ZNF324B: variants seen among roughly 807,000 people sequenced by gnomAD.
The protein encoded by ZNF324B is zinc finger protein 324B.
ZNF324B carries 7 observed loss-of-function variants against 10.6 expected under a neutral mutation model. The ratio of observed to expected loss-of-function variants is 0.66; its 90% CI spans 0.38 to 1.24. The LOEUF (loss-of-function observed/expected upper bound fraction) is 1.24. ZNF324B is among the 50% of genes most tolerant of loss of function. ZNF324B has a pLI of 0.02. For synonymous variants in ZNF324B, 316 were observed against 321.0 expected (o/e 0.98, Z 0.17); for missense variants, 640 against 764.7 (o/e 0.84, Z 1.92).
At chr19:58,436,874 C>T in the ZNF324B span, 2 of 904,742 alleles carry the variant, frequency 2.2e-6, no homozygotes, top group Non-Finnish European at 3.6e-6. Context: ...TGAGGCTGCT[C>T]AGAGAGAGAC....
At position 58,455,135 on chromosome 19, in the gene ZNF324B, C is replaced by T. The variant is rs2052901705; in HGVS notation, c.239-48C>T. ...CCTGTCCACTCAGCCTGCCCTGGTC[C>T]TCTCCTAACCAGGATGCCCCAGGCA... On this transcript the variant is annotated intron_variant, in intron 3 of 3. Coordinates refer to ENST00000336614, the MANE Select transcript of ZNF324B (RefSeq NM_207395.3). The surrounding 1 kb of genome is among the most constrained non-coding windows in gnomAD (Gnocchi z 7.0). 2 of 1,612,810 alleles carry T rather than the reference C, an allele frequency of 1.2e-6. No individual in the cohort carries two copies. The highest frequency in any genetic ancestry group is 2.2e-5 in the East Asian group (1 of 44,890).
At chr19:58,423,589 C>T in the ZNF324B span, among the ~76,000 whole-genome samples, 1 of 152,120 alleles carries the variant, frequency 6.6e-6, no homozygotes, top group Non-Finnish European at 1.5e-5. Context: ...TTTGTAGAAT[C>T]AAAAAAGAGC....
the ZNF324B span, chr19:58,419,042 G>C: frequency 6.6e-6 from 1 of 152,172 alleles, no homozygotes; most frequent in Non-Finnish European, 1.5e-5. Flanking sequence ...CCTCAGTGGG[G>C]ATGGCAGGAT....
chr19:58,429,402 G>A, the ZNF324B span: 8 of 152,296 alleles, frequency 5.3e-5, no homozygotes, highest in African/African-American at 1.9e-4. Context: ...GTCTCACACT[G>A]TCGCCCAGGC....
At chr19:58,433,475 A>C in the ZNF324B span, 2 of 1,614,084 alleles carry the variant, frequency 1.2e-6, no homozygotes, top group South Asian at 2.2e-5. Context: ...CACTGGATGC[A>C]CTCATAGGGC....
chr19:58,453,983 G>A (rs1024822693), intron 2 of ZNF324B, among the ~76,000 whole-genome samples, 161 bp downstream of exon 2: 7 of 152,196 alleles, frequency 4.6e-5, no homozygotes, highest in African/African-American at 1.7e-4. Context: ...GCCACTCCTT[G>A]CCGCCCTGTC....
chr19:58,434,698 G>A, the ZNF324B span: 2 of 1,614,172 alleles, frequency 1.2e-6, no homozygotes, highest in South Asian at 1.1e-5. Flanking sequence ...GGGGAGAGTG[G>A]AGCTCTTCAG....
the ZNF324B span, chr19:58,435,300 C>G: frequency 6.9e-7 from 1 of 1,440,558 alleles, no homozygotes; most frequent in Non-Finnish European, 9.4e-7. Context: ...AATTCACACC[C>G]AAGAAGAGGT....
Position 58,455,122 on chromosome 19 carries a change from G to T in ZNF324B, c.239-61G>T. On this transcript the variant is annotated intron_variant, in intron 3 of 3. Coordinates refer to ENST00000336614, the MANE Select transcript of ZNF324B (RefSeq NM_207395.3). The surrounding 1 kb of genome is among the most constrained non-coding windows in gnomAD (Gnocchi z 7.0). The stretch of plus-strand genomic sequence containing the variant: ...GGGCTCCCCCTTGCCTGTCCACTCA[G>T]CCTGCCCTGGTCCTCTCCTAACCAG... 6.2e-7 allele frequency: 1 copy of T among 1,611,218 alleles called. No individual in the cohort carries two copies. Among genetic ancestry groups the T allele is most frequent in the South Asian group, 1.1e-5 (1 of 90,960 alleles).
chr19:58,427,440 TTCC>T, the ZNF324B span, among the ~76,000 whole-genome samples: 109 of 13,768 alleles, frequency 7.9e-3, 5 homozygotes, highest in African/African-American at 0.022. Context: ...CCTTCCTTCC[TTCC>T]TTTCCTTTCC....
At chr19:58,453,363 A>G (rs1300579707) in intron 1 of ZNF324B, 3 of 395,964 alleles carry the variant, frequency 7.6e-6, no homozygotes, top group Non-Finnish European at 1.4e-5. Flanking sequence ...AGAAGGGCAC[A>G]TCTGGGGAGG....
chr19:58,429,671 C>A, the ZNF324B span: 6 of 152,324 alleles, frequency 3.9e-5, no homozygotes, highest in South Asian at 2.1e-4. Context: ...GGCCAAGAAA[C>A]CTTTTCTGGA....
intron 3 of ZNF324B, 107 bp downstream of exon 3, chr19:58,454,451 G>T: frequency 2.7e-6 from 2 of 741,336 alleles, no homozygotes; most frequent in South Asian, 1.6e-5. Context: ...CCTCCTACCT[G>T]ACTCCCTTCT....
At chr19:58,427,372 T>TTTC in the ZNF324B span, among the ~76,000 whole-genome samples, 1 of 44,386 alleles carries the variant, frequency 2.3e-5, no homozygotes, top group African/African-American at 9.1e-5. Context: ...CTTTCTTTCT[T>TTTC]TCTTTCTTTC....
chr19:58,427,682 G>T, the ZNF324B span, among the ~76,000 whole-genome samples: 32 of 148,018 alleles, frequency 2.2e-4, no homozygotes, highest in Non-Finnish European at 3.0e-4. Context: ...TAGAGACAAG[G>T]TCTCATTATG....
the ZNF324B span, chr19:58,437,887 C>T: frequency 1.4e-5 from 10 of 710,884 alleles, no homozygotes; most frequent in Non-Finnish European, 1.7e-5. Context: ...TCTCAAATAT[C>T]TCTTCCCTCT....
At position 58,453,698 on chromosome 19, in the gene ZNF324B, C is replaced by T. The variant is rs753472291; in HGVS notation, c.-4C>T. Reference sequence around the variant, plus strand: ...CCTCCACCTCCCTGCTGTTTTAGGACCTGATGACCTTCGAGGATGTGGCCG... The same window carrying T: ...CCTCCACCTCCCTGCTGTTTTAGGATCTGATGACCTTCGAGGATGTGGCCG... On this transcript the variant is annotated splice_region_variant and 5_prime_UTR_variant, in exon 2 of 4. Transcript: ENST00000336614. 6.2e-7 allele frequency: 1 copy of T among 1,614,176 alleles called. No individual in the cohort carries two copies. The highest frequency in any genetic ancestry group is 8.5e-7 in the Non-Finnish European group (1 of 1,180,010).
the ZNF324B span, among the ~76,000 whole-genome samples, chr19:58,438,431 ACTC>A: frequency 1.4e-5 from 2 of 146,338 alleles, no homozygotes; most frequent in East Asian, 2.0e-4. Context: ...CCTGAAATCT[ACTC>A]CTCACACCAA....
chr19:58,434,154 CGGTCTTTCTCCA>C, the ZNF324B span: 2 of 1,611,908 alleles, frequency 1.2e-6, no homozygotes, highest in Non-Finnish European at 1.7e-6. Context: ...TGCATTCATA[CGGTCTTTCTCCA>C]GTGTGAACTC....
Sources: allele counts gnomAD v4.1 joint callset (sites outside exome capture counted in the v4.1 genomes callset), GRCh38; gene constraint gnomAD v4.1.1; non-coding constraint Gnocchi (gnomAD v3.1); transcripts MANE v1.5; gene names NCBI Gene and HGNC (gene_info 2026-07-23, HGNC 2026-07-21).